Variants in ABCC1 observed in about 807,000 individuals in gnomAD.
ABCC1 encodes multidrug resistance-associated protein 1.
ABCC1 carries 83 observed loss-of-function variants against 172.9 expected under a neutral mutation model. The ratio of observed to expected loss-of-function variants is 0.48; its 90% confidence interval spans 0.40 to 0.58. ABCC1 has a LOEUF of 0.58. Ranked by LOEUF, ABCC1 falls within the 20% of genes least tolerant of loss-of-function variation. The probability of loss-of-function intolerance (pLI) is 0.00; values close to 1 mark genes in which losing one functional copy is unlikely to be tolerated. For synonymous variants in ABCC1, 937 were observed against 825.2 expected, an observed-to-expected ratio of 1.14 and a Z score of -2.32; for missense variants, 1,817 against 2,002.7, an observed-to-expected ratio of 0.91 and a Z score of 1.77.
At chr16:16,117,557 A>G (rs778286205) in intron 23 of ABCC1, among the ~76,000 whole-genome samples, 1 of 152,176 alleles carries the variant, frequency 6.6e-6, no homozygotes, top group Non-Finnish European at 1.5e-5. Context: ...TCTATTCACA[A>G]GGGACCCTGG....
At chr16:16,001,303 C>T (rs2047298939) in intron 1 of ABCC1, among the ~76,000 whole-genome samples, 1 of 152,160 alleles carries the variant, frequency 6.6e-6, no homozygotes. Flanking sequence ...GCTCTGCCTC[C>T]CGGGTGCACG....
chr16:15,952,714 A>C (rs1442832816), intron 1 of ABCC1, among the ~76,000 whole-genome samples: 1 of 57,870 alleles, frequency 1.7e-5, no homozygotes, highest in African/African-American at 6.8e-5. Context: ...TTGTGAGTTC[A>C]TTAAAAAAAA....
intron 17 of ABCC1, 72 bp downstream of exon 17, chr16:16,083,614 A>G: frequency 1.9e-6 from 3 of 1,545,444 alleles, no homozygotes; most frequent in South Asian, 2.3e-5. Flanking sequence ...TCACAATCTC[A>G]GTGGGCTGTG....
chr16:16,045,548 C>G (rs992736804), intron 8 of ABCC1, among the ~76,000 whole-genome samples: 1 of 152,098 alleles, frequency 6.6e-6, no homozygotes, highest in African/African-American at 2.4e-5. Flanking sequence ...TCCTCCCTAC[C>G]TCTTTACCTC....
intron 28 of ABCC1, among the ~76,000 whole-genome samples, chr16:16,134,945 A>T (rs45613836): frequency 0.022 from 3,308 of 152,156 alleles, 123 homozygotes; most frequent in African/African-American, 0.072. Flanking sequence ...GCTGGCCTTC[A>T]TTGTTTTTAT....
chr16:16,105,850 G>C (rs2052069073), intron 20 of ABCC1, among the ~76,000 whole-genome samples: 2 of 148,778 alleles, frequency 1.3e-5, no homozygotes, highest in Non-Finnish European at 3.0e-5. Flanking sequence ...TCTGCATAAA[G>C]CTCATGACCA....
intron 9 of ABCC1, 48 bp downstream of exon 9, chr16:16,046,061 T>C (rs1278779407): frequency 1.3e-6 from 2 of 1,592,984 alleles, no homozygotes; most frequent in Admixed American, 1.7e-5. Context: ...CCACATCCCC[T>C]CCTGCAGCCC....
chr16:16,087,390 A>G (rs2051052539), intron 18 of ABCC1, among the ~76,000 whole-genome samples: 1 of 152,164 alleles, frequency 6.6e-6, no homozygotes, highest in Non-Finnish European at 1.5e-5. Context: ...ATAATAGGAA[A>G]TAGTTCCTGT....
chr16:16,003,438 A>T (rs540921593), intron 1 of ABCC1, among the ~76,000 whole-genome samples: 1 of 127,806 alleles, frequency 7.8e-6, no homozygotes, highest in African/African-American at 2.8e-5. Flanking sequence ...GGGTGAATGA[A>T]TTGGTAGGTG....
chr16:16,130,266 C>T lies in ABCC1; in HGVS notation c.3820-1523C>T, dbSNP rs9927099. 8.0e-3 allele frequency among the ~76,000 whole-genome samples: 1,214 copies of T among 152,294 alleles called. 18 individuals carry two copies. The highest frequency in any genetic ancestry group is 0.028 in the African/African-American group (1,168 of 41,550). ...GCCGGGGTGGGCAGCCAGGGTAACT[C>T]ACTTTTATTGTCGTGTCTGTCCAGA... On this transcript the variant is annotated intron_variant, in intron 26 of 30. Transcript: ENST00000399410.
chr16:16,070,444 C>T lies in ABCC1; in HGVS notation c.1825-1198C>T, dbSNP rs186007839. 4.6e-5 allele frequency among the ~76,000 whole-genome samples: 7 copies of T among 152,268 alleles called. No individual in the cohort carries two copies. The East Asian group carries it at 1.4e-3, about 29-fold the overall frequency. ...CTCTGGGAGGCCGAGGTGGGCGGATCATGAGGTCAGGAGATGGAGACCATC... is the reference window on the plus strand; with the variant it reads ...CTCTGGGAGGCCGAGGTGGGCGGATTATGAGGTCAGGAGATGGAGACCATC... On this transcript the variant is annotated intron_variant, in intron 13 of 30. Transcript: ENST00000399410.
At chr16:16,022,353 G>A (rs1166611413) in intron 5 of ABCC1, among the ~76,000 whole-genome samples, 1 of 152,128 alleles carries the variant, frequency 6.6e-6, no homozygotes, top group African/African-American at 2.4e-5. Context: ...TGGGAGCCTG[G>A]GCAGGGCTGA....
chr16:16,136,641 T>C lies in ABCC1; in HGVS notation c.4289T>C (p.Leu1430Pro). The change falls in exon 29 of 31, where the codon CTC becomes CCC. Residue 1430 changes from leucine (L) to proline (P), a missense_variant. Physicochemically the swap from Leu to Pro is moderately conservative, Grantham distance 98. Around this residue, in one of 3 missense-constraint regions of ABCC1, gnomAD observed 1,412 missense variants for 1,600.3 expected, o/e 0.88. Coordinates refer to ENST00000399410, the MANE Select transcript of ABCC1 (RefSeq NM_004996.4). ...DHECAEGGEN[L>P]SVGQRQLVCL... ...GAATGTGCAGAAGGCGGGGAGAACC[T>C]CAGGTAGGCGGGGGTGAACAAGGAG... 1 of 1,613,784 alleles carries C rather than the reference T, an allele frequency of 6.2e-7. No individual in the cohort carries two copies. Among genetic ancestry groups the C allele is most frequent in the Non-Finnish European group, 8.5e-7 (1 of 1,179,894 alleles).
intron 11 of ABCC1, 55 bp from the exon 12 acceptor site, chr16:16,056,037 T>TGATG: frequency 6.7e-7 from 1 of 1,488,056 alleles, no homozygotes; most frequent in Non-Finnish European, 9.4e-7. Context: ...TGATGTTGAG[T>TGATG]GATGGGCTGA....
chr16:16,056,369 A>G (rs775000467), intron 12 of ABCC1, 74 bp downstream of exon 12: 1 of 1,533,084 alleles, frequency 6.5e-7, no homozygotes, highest in African/African-American at 1.4e-5. Context: ...AATATTTTTA[A>G]AAGGTCACTA....
intron 5 of ABCC1, among the ~76,000 whole-genome samples, chr16:16,021,142 T>C (rs2048179614): frequency 6.6e-6 from 1 of 152,128 alleles, no homozygotes; most frequent in Non-Finnish European, 1.5e-5. Flanking sequence ...GCTCAGTACA[T>C]GTGGCACGTA....
At chr16:16,119,694 A>G (rs2045066739) in intron 23 of ABCC1, among the ~76,000 whole-genome samples, 1 of 152,214 alleles carries the variant, frequency 6.6e-6, no homozygotes. Context: ...GTCTTAAAAA[A>G]TAAAATAAGA....
chr16:16,031,353 G>A (rs146576301), intron 5 of ABCC1, among the ~76,000 whole-genome samples: 94 of 152,228 alleles, frequency 6.2e-4, no homozygotes, highest in African/African-American at 2.1e-3. Context: ...ATTTAGACCC[G>A]GATGCATCCA....
chr16:16,123,780 G>C (rs1567431499), intron 24 of ABCC1, among the ~76,000 whole-genome samples: 1 of 152,166 alleles, frequency 6.6e-6, no homozygotes, highest in Non-Finnish European at 1.5e-5. Flanking sequence ...GGGTGGCCAA[G>C]GCAGGCGGGT....
Sources: gnomAD v4.1 joint callset for allele counts (sites outside exome capture counted in the v4.1 genomes callset) on GRCh38, gnomAD v4.1.1 for gene constraint, gnomAD v4.1.1 regional missense constraint, MANE v1.5 for transcripts, NCBI Gene and HGNC (gene_info 2026-07-23, HGNC 2026-07-21) for gene names.